IGDCC4: variants seen among roughly 807,000 people sequenced by gnomAD.
IGDCC4 encodes the protein likely ortholog of mouse neighbor of Punc E11.
A neutral mutation model predicts 116.6 loss-of-function variants in IGDCC4; 72 were observed. That is an observed-to-expected ratio of 0.62 (90% CI 0.51 to 0.75). The LOEUF is 0.75. Ranked by LOEUF, IGDCC4 falls within the 30% of genes least tolerant of loss-of-function variation. The pLI, the probability that IGDCC4 is intolerant of heterozygous loss-of-function variation, is 0.00. For synonymous variants in IGDCC4, 709 were observed against 719.9 expected, an observed-to-expected ratio of 0.98 and a Z score of 0.24; for missense variants, 1,501 against 1,662.4, an observed-to-expected ratio of 0.90 and a Z score of 1.69.
chr15:65,415,614 T>C (rs1207671627), intron 1 of IGDCC4, among the ~76,000 whole-genome samples: 1 of 152,148 alleles, frequency 6.6e-6, no homozygotes, highest in Non-Finnish European at 1.5e-5. Flanking sequence ...CTGAGAATCC[T>C]CATTCCACAG....
rs146023049 is a variant in IGDCC4, at chr15:65,415,622, C to T, written c.71-4252G>A. Among the ~76,000 whole-genome samples the T allele has an allele frequency of 4.5e-4, 68 of 152,344 alleles. No individual in the cohort carries two copies. In the East Asian group the frequency reaches 5.0e-3, roughly 11 times the overall value. On this transcript the variant is annotated intron_variant, in intron 1 of 19. Coordinates refer to ENST00000352385, the MANE Select transcript of IGDCC4 (RefSeq NM_020962.3). Reference sequence around the variant, plus strand: ...GTGAAGCCTGAGAATCCTCATTCCACAGATGGGGAAACTGAGGCCTGGGGA... The same window carrying T: ...GTGAAGCCTGAGAATCCTCATTCCATAGATGGGGAAACTGAGGCCTGGGGA...
In IGDCC4 at chr15:65,396,906, C is replaced by T. The variant is rs778287619; in HGVS notation, c.925G>A (p.Val309Ile). 2 of 1,573,116 alleles carry T rather than the reference C, an allele frequency of 1.3e-6. No homozygotes were observed. The highest frequency in any genetic ancestry group is 2.3e-5 in the South Asian group (2 of 85,650). The change falls in exon 6 of 20, where the codon GTC becomes ATC. Residue 309 changes from valine (V) to isoleucine (I), a missense_variant. Physicochemically the swap from Val to Ile is conservative, Grantham distance 29. Transcript: ENST00000352385. ...GGCTTGTTGGCGCGGCAGACATAGA[C>T]GCCGGAGTGCCAGGGCTGCGCGTTG... ...IANAQPWHSG[V>I]YVCRANKPRT...
At chr15:65,417,907 T>C (rs980660947) in intron 1 of IGDCC4, among the ~76,000 whole-genome samples, 1 of 152,214 alleles carries the variant, frequency 6.6e-6, no homozygotes, top group East Asian at 1.9e-4. Flanking sequence ...TCACTCTAGG[T>C]TTTTGACTTG....
At chr15:65,399,124 C>A (rs1202142423) in intron 5 of IGDCC4, among the ~76,000 whole-genome samples, 2 of 152,078 alleles carry the variant, frequency 1.3e-5, no homozygotes, top group Non-Finnish European at 1.5e-5. Flanking sequence ...TGAGGCAGGG[C>A]CCCAGATTCT....
At chr15:65,391,797 G>C in intron 12 of IGDCC4, 83 bp downstream of exon 12, 1 of 1,267,198 alleles carries the variant, frequency 7.9e-7, no homozygotes, top group Non-Finnish European at 1.1e-6. Flanking sequence ...TGCTCACCAG[G>C]CTGGCCCAAA....
chr15:65,385,611 CT>C, intron 18 of IGDCC4: 1 of 627,372 alleles, frequency 1.6e-6, no homozygotes, highest in South Asian at 1.9e-5. Context: ...CTGGGAGGCC[CT>C]TTCCTTCGTG....
chr15:65,385,071 C>G lies in IGDCC4; in HGVS notation c.3225G>C (p.Trp1075Cys), dbSNP rs1394549032. 6.2e-7 allele frequency: 1 copy of G among 1,603,274 alleles called. No individual in the cohort carries two copies. Among genetic ancestry groups the G allele is most frequent in the African/African-American group, 1.3e-5 (1 of 74,322 alleles). The change falls in exon 19 of 20, where the codon TGG (tryptophan) becomes TGC (cysteine). Residue 1075 changes from tryptophan (W) to cysteine (C), a missense_variant. Transcript: ENST00000352385. ...CTGCCTGGGGCAGCTCACAGCCTGC[C>G]CAGGAACCAGCCCAGCTCAGCCCGC... ...QPSGLSWAGSWAGCELPQAGP... is the reference protein window; with the variant it reads ...QPSGLSWAGSCAGCELPQAGP...
chr15:65,414,039 A>C (rs2063121577), intron 1 of IGDCC4, among the ~76,000 whole-genome samples: 1 of 152,154 alleles, frequency 6.6e-6, no homozygotes, highest in South Asian at 2.1e-4. Flanking sequence ...ATAGCTCTGC[A>C]CTCCTAAACA....
At chr15:65,422,675 A>C in intron 1 of IGDCC4, 118 bp downstream of exon 1, 1 of 788,332 alleles carries the variant, frequency 1.3e-6, no homozygotes. Flanking sequence ...CTGGACGCGC[A>C]GCCCCCGCAC....
At chr15:65,390,100 A>AC in intron 13 of IGDCC4, 55 bp downstream of exon 13, 1 of 1,313,700 alleles carries the variant, frequency 7.6e-7, no homozygotes, top group Non-Finnish European at 1.1e-6. Context: ...TCCCACCACC[A>AC]CCCCCCACCT....
chr15:65,390,345 G>A lies in IGDCC4; in HGVS notation c.2225-7C>T, dbSNP rs769298333. The A allele has an allele frequency of 1.0e-5, 16 of 1,581,664 alleles. No individual in the cohort carries two copies. The highest frequency in any genetic ancestry group is 1.4e-5 in the Non-Finnish European group (16 of 1,155,358). On this transcript the variant is annotated splice_region_variant and splice_polypyrimidine_tract_variant and intron_variant, in intron 12 of 19. Transcript: ENST00000352385. ...CCCCTCTGGATAGGCATGTCTGAAA[G>A]GTGAAAACTAGAGTGTGAGGAAGGG...
intron 1 of IGDCC4, among the ~76,000 whole-genome samples, chr15:65,414,570 AT>A (rs2063126032): frequency 1.3e-5 from 2 of 152,258 alleles, no homozygotes; most frequent in Non-Finnish European, 2.9e-5. Context: ...GCGTGAAGGA[AT>A]TAAACAAGAC....
At chr15:65,388,204 A>G (rs897745629) in intron 16 of IGDCC4, among the ~76,000 whole-genome samples, 2 of 148,658 alleles carry the variant, frequency 1.3e-5, no homozygotes, top group African/African-American at 2.5e-5. Flanking sequence ...AGATTGCGCC[A>G]TTGCACTCTA....
chr15:65,397,099 C>G (rs1320876592), intron 5 of IGDCC4, 110 bp from the exon 6 acceptor site: 1 of 1,333,520 alleles, frequency 7.5e-7, no homozygotes, highest in African/African-American at 1.5e-5. Flanking sequence ...CACAACCGTC[C>G]CTGGTCCGAA....
intron 14 of IGDCC4, 79 bp from the exon 15 acceptor site, chr15:65,389,057 C>T: frequency 9.0e-7 from 1 of 1,110,748 alleles, no homozygotes; most frequent in Non-Finnish European, 1.3e-6. Flanking sequence ...CCTTCTTCCT[C>T]CTTCATGGAA....
At chr15:65,386,252 C>T (rs1166696667) in intron 17 of IGDCC4, among the ~76,000 whole-genome samples, 193 bp from the exon 18 acceptor site, 1 of 152,224 alleles carries the variant, frequency 6.6e-6, no homozygotes, top group Non-Finnish European at 1.5e-5. Context: ...CTCTTCTTCC[C>T]TTGGCTGCAG....
intron 3 of IGDCC4, among the ~76,000 whole-genome samples, chr15:65,408,838 C>A (rs1308030874): frequency 1.7e-5 from 2 of 118,644 alleles, no homozygotes; most frequent in Non-Finnish European, 3.4e-5. Context: ...ATGTCTCTCT[C>A]TTTTTTTTTT....
intron 4 of IGDCC4, 123 bp from the exon 5 acceptor site, chr15:65,401,069 C>A: frequency 1.6e-6 from 2 of 1,247,896 alleles, no homozygotes; most frequent in South Asian, 1.3e-5. Flanking sequence ...TTCCATCTGT[C>A]AGATGGGGGA....
chr15:65,389,073 C>A (rs1177935959), intron 14 of IGDCC4, 95 bp from the exon 15 acceptor site: 1 of 1,101,000 alleles, frequency 9.1e-7, no homozygotes, highest in East Asian at 2.6e-5. Flanking sequence ...TGGAACAAGC[C>A]ACAAAGCAAA....
Sources: allele counts gnomAD v4.1 joint callset (sites outside exome capture counted in the v4.1 genomes callset), GRCh38; gene constraint gnomAD v4.1.1; transcripts MANE v1.5; gene names NCBI Gene and HGNC (gene_info 2026-07-23, HGNC 2026-07-21).